CSMD1: variants seen among roughly 807,000 people sequenced by gnomAD.
CSMD1 encodes the protein CUB and sushi domain-containing protein 1.
A neutral mutation model predicts 417.5 loss-of-function variants in CSMD1; 213 were observed. The observed-to-expected ratio is 0.51, with a 90% confidence interval of 0.46 to 0.57. The LOEUF (loss-of-function observed/expected upper bound fraction) is 0.57. CSMD1 is among the 20% of genes least tolerant of loss of function. The pLI is 0.00. For missense variants in CSMD1, 6,923 were observed against 4,529.7 expected (o/e 1.53, Z -15.17); for synonymous variants, 2,862 against 1,736.8 (o/e 1.65, Z -16.11).
chr8:4,587,171 C>A (rs989843325), intron 2 of CSMD1, among the ~76,000 whole-genome samples: 6 of 152,110 alleles, frequency 3.9e-5, no homozygotes, highest in Admixed American at 2.6e-4. Context: ...AGCCAACCAG[C>A]TTTTATGGCT....
At chr8:4,200,257 G>A (rs1360329636) in intron 3 of CSMD1, among the ~76,000 whole-genome samples, 1 of 152,056 alleles carries the variant, frequency 6.6e-6, no homozygotes, top group African/African-American at 2.4e-5. Flanking sequence ...TCAATACACT[G>A]ATGATAATTA....
chr8:3,735,714 A>G (rs1372186916), intron 6 of CSMD1, among the ~76,000 whole-genome samples: 1 of 152,200 alleles, frequency 6.6e-6, no homozygotes, highest in East Asian at 1.9e-4. Flanking sequence ...CATGGACAAC[A>G]GAAACTCGTT....
intron 2 of CSMD1, among the ~76,000 whole-genome samples, chr8:4,626,675 C>T (rs1273688866): frequency 6.6e-6 from 1 of 152,030 alleles, no homozygotes; most frequent in East Asian, 1.9e-4. Context: ...CTGCAGTGGG[C>T]TTCACTCCAC....
intron 5 of CSMD1, among the ~76,000 whole-genome samples, chr8:3,903,885 T>C (rs1372023823): frequency 6.6e-6 from 1 of 152,118 alleles, no homozygotes; most frequent in Non-Finnish European, 1.5e-5. Context: ...TATATATTTT[T>C]TTACCTCCAC....
At chr8:3,290,087 C>A (rs955373175) in intron 25 of CSMD1, among the ~76,000 whole-genome samples, 1 of 147,000 alleles carries the variant, frequency 6.8e-6, no homozygotes, top group South Asian at 2.1e-4. Flanking sequence ...ATAGGGAATG[C>A]TTTCCCCATT....
Position 3,052,640 on chromosome 8 carries a change from G to C in CSMD1, c.7482C>G (p.Ser2494=), listed in dbSNP as rs765074895. The C allele has an allele frequency of 5.6e-6, 9 of 1,599,252 alleles. No individual in the cohort carries two copies. In the African/African-American group the frequency reaches 9.4e-5, roughly 17 times the overall value. The change falls in exon 50 of 70, where the codon TCC becomes TCG. Residue 2494 remains serine (S), a synonymous_variant. Transcript: ENST00000635120. The part of the protein sequence containing the change: ...DSLTPLCQAV[S]CGIPESPGNG... ...TTCCTGGGGATTCTGGGATTCCACA[G>C]GACACAGCTGAAAAGAAATGAAACA...
rs182257636 is a variant in CSMD1 at position 4,867,764 on chromosome 8, C to G, written c.85+126568G>C. On this transcript the variant is annotated intron_variant, in intron 1 of 69. Coordinates refer to ENST00000635120, the MANE Select transcript of CSMD1 (RefSeq NM_033225.6). ...TTCAATGCAGTTAGGTTTTTAGTAG[C>G]TTAAAGATAAGAGTGTTTTGATCCC... Among the ~76,000 whole-genome samples, 105 of 152,132 alleles carry G rather than the reference C, an allele frequency of 6.9e-4. 3 individuals are homozygous for G. Among genetic ancestry groups the G allele is most frequent in the African/African-American group, 2.4e-3 (101 of 41,438 alleles).
At chr8:3,065,527 G>A (rs1003159004) in intron 49 of CSMD1, among the ~76,000 whole-genome samples, 2 of 152,030 alleles carry the variant, frequency 1.3e-5, no homozygotes, top group Non-Finnish European at 2.9e-5. Context: ...TAGGAAGATG[G>A]ATACACAGAT....
At chr8:4,078,501 T>C (rs988331125) in intron 3 of CSMD1, among the ~76,000 whole-genome samples, 1 of 151,838 alleles carries the variant, frequency 6.6e-6, no homozygotes, top group Non-Finnish European at 1.5e-5. Context: ...CCTGACCTTG[T>C]GATCTGCCCA....
chr8:4,074,367 A>T (rs1223492847), intron 3 of CSMD1, among the ~76,000 whole-genome samples: 1 of 152,118 alleles, frequency 6.6e-6, no homozygotes, highest in Non-Finnish European at 1.5e-5. Context: ...TTAGTCCATA[A>T]ATGATAGCAG....
At chr8:4,133,854 G>T (rs925110839) in intron 3 of CSMD1, among the ~76,000 whole-genome samples, 1 of 152,032 alleles carries the variant, frequency 6.6e-6, no homozygotes. Flanking sequence ...TGCAATCAGG[G>T]TTACACATAT....
At chr8:3,653,907 G>C (rs771150897) in intron 7 of CSMD1, among the ~76,000 whole-genome samples, 1 of 152,142 alleles carries the variant, frequency 6.6e-6, no homozygotes, top group African/African-American at 2.4e-5. Flanking sequence ...TTAAAAATCA[G>C]CACTTGCTCT....
At chr8:3,064,203 G>C (rs778149447) in intron 49 of CSMD1, among the ~76,000 whole-genome samples, 2 of 152,196 alleles carry the variant, frequency 1.3e-5, no homozygotes, top group Admixed American at 6.5e-5. Context: ...TTGATCTGAA[G>C]TTTGGCTACA....
intron 7 of CSMD1, among the ~76,000 whole-genome samples, chr8:3,632,201 G>C (rs770326777): frequency 6.6e-6 from 1 of 152,112 alleles, no homozygotes; most frequent in Non-Finnish European, 1.5e-5. Flanking sequence ...GAACTACTTT[G>C]GCAATAATTT....
chr8:4,261,335 C>G (rs1026849171), intron 3 of CSMD1, among the ~76,000 whole-genome samples: 2 of 152,090 alleles, frequency 1.3e-5, no homozygotes, highest in Non-Finnish European at 2.9e-5. Flanking sequence ...TGTAATCTCA[C>G]TTAGATGTGG....
intron 3 of CSMD1, among the ~76,000 whole-genome samples, chr8:4,270,868 C>A (rs1332866203): frequency 1.3e-5 from 2 of 152,124 alleles, no homozygotes; most frequent in East Asian, 1.9e-4. Flanking sequence ...TTGAAATCCC[C>A]CTCTGAGGAC....
intron 4 of CSMD1, among the ~76,000 whole-genome samples, chr8:4,029,101 C>G: frequency 6.6e-6 from 1 of 151,894 alleles, no homozygotes; most frequent in South Asian, 2.1e-4. Flanking sequence ...ATTAAATGGT[C>G]AAGGAGTGTT....
intron 3 of CSMD1, among the ~76,000 whole-genome samples, chr8:4,238,207 C>G (rs1802181639): frequency 6.6e-6 from 1 of 152,174 alleles, no homozygotes; most frequent in Admixed American, 6.5e-5. Context: ...TTAACACACT[C>G]CCACCCTATA....
chr8:4,814,367 T>A (rs1460613538), intron 1 of CSMD1, among the ~76,000 whole-genome samples: 1 of 152,192 alleles, frequency 6.6e-6, no homozygotes, highest in Non-Finnish European at 1.5e-5. Context: ...TGCCTCAGTC[T>A]CCCGAGTAGC....
Sources: allele counts gnomAD v4.1 joint callset (sites outside exome capture counted in the v4.1 genomes callset), GRCh38; gene constraint gnomAD v4.1.1; transcripts MANE v1.5; gene names NCBI Gene and HGNC (gene_info 2026-07-23, HGNC 2026-07-21).